RBMS3: variants seen among roughly 807,000 people sequenced by gnomAD.
RBMS3 encodes RNA-binding motif, single-stranded-interacting protein 3.
A neutral mutation model predicts 66.8 loss-of-function variants in RBMS3; 27 were observed. The observed-to-expected ratio is 0.40, with a 90% confidence interval of 0.30 to 0.56. The LOEUF (loss-of-function observed/expected upper bound fraction) is 0.56. Among genes scored for constraint, RBMS3 ranks in the 20% least tolerant of loss-of-function variants. RBMS3 has a pLI of 0.40. For missense variants in RBMS3, 513 were observed against 549.5 expected (o/e 0.93, Z 0.66); for synonymous variants, 188 against 183.0 (o/e 1.03, Z -0.22).
chr3:29,465,543 T>A (rs796146935), intron 2 of RBMS3, among the ~76,000 whole-genome samples: 4 of 49,650 alleles, frequency 8.1e-5, no homozygotes, highest in African/African-American at 3.0e-4. Flanking sequence ...TGTGCCCTTA[T>A]TTTTTTTTTT....
At chr3:29,789,524 A>C (rs2056932505) in intron 6 of RBMS3, among the ~76,000 whole-genome samples, 1 of 152,100 alleles carries the variant, frequency 6.6e-6, no homozygotes, top group Non-Finnish European at 1.5e-5. Context: ...TCTTCCATTA[A>C]ATCACCATGT....
At chr3:29,625,313 G>A (rs764529328) in intron 4 of RBMS3, among the ~76,000 whole-genome samples, 24 of 152,056 alleles carry the variant, frequency 1.6e-4, no homozygotes, top group African/African-American at 5.8e-4. Context: ...TTATATTTCT[G>A]TGGCATTTTT....
At chr3:29,889,193 C>T (rs1251306757) in intron 8 of RBMS3, among the ~76,000 whole-genome samples, 1 of 151,548 alleles carries the variant, frequency 6.6e-6, no homozygotes, top group Non-Finnish European at 1.5e-5. Flanking sequence ...TCTTGTTGAA[C>T]GTGGAATTCT....
intron 4 of RBMS3, among the ~76,000 whole-genome samples, chr3:29,613,468 C>A (rs1327517130): frequency 3.3e-5 from 5 of 152,112 alleles, no homozygotes; most frequent in Non-Finnish European, 7.4e-5. Context: ...GCAATAATTA[C>A]ATTTCCTACT....
At chr3:29,554,449 CAT>C (rs1385651419) in intron 3 of RBMS3, among the ~76,000 whole-genome samples, 1 of 152,140 alleles carries the variant, frequency 6.6e-6, no homozygotes, top group Non-Finnish European at 1.5e-5. Flanking sequence ...ACATAACAAA[CAT>C]AAAACTTAAT....
chr3:29,575,253 C>A (rs1383758009), intron 3 of RBMS3, among the ~76,000 whole-genome samples: 1 of 150,950 alleles, frequency 6.6e-6, no homozygotes, highest in Non-Finnish European at 1.5e-5. Context: ...TGAAGGATAT[C>A]TTTGTCGGAT....
At chr3:29,922,951 G>T (rs1468627402) in intron 10 of RBMS3, among the ~76,000 whole-genome samples, 1 of 152,186 alleles carries the variant, frequency 6.6e-6, no homozygotes, top group Non-Finnish European at 1.5e-5. Context: ...AATGATTGAT[G>T]CATACTCAAA....
In RBMS3 at chr3:29,710,993, A is replaced by ACAGTAGCT. The variant is rs59544322; in HGVS notation, c.400-28725_400-28718dup. On this transcript the variant is annotated intron_variant, in intron 4 of 14. Coordinates refer to ENST00000383767, the MANE Select transcript of RBMS3 (RefSeq NM_001003793.3). ...CTGTTCCACGCATTAAATATACAAT[A>ACAGTAGCT]CAGTAGCTCCCCCCTTATTTGCACA... Among the ~76,000 whole-genome samples the ACAGTAGCT allele has an allele frequency of 5.9e-3, 892 of 152,290 alleles. 11 individuals are homozygous for ACAGTAGCT. Among genetic ancestry groups the ACAGTAGCT allele is most frequent in the African/African-American group, 0.021 (860 of 41,562 alleles).
chr3:29,659,434 C>G (rs2050449916), intron 4 of RBMS3, among the ~76,000 whole-genome samples: 1 of 152,130 alleles, frequency 6.6e-6, no homozygotes, highest in Non-Finnish European at 1.5e-5. Flanking sequence ...TTTTCTGTCT[C>G]TGTGATTTTG....
At chr3:29,433,357 T>C (rs967960121) in intron 1 of RBMS3, among the ~76,000 whole-genome samples, 1 of 152,200 alleles carries the variant, frequency 6.6e-6, no homozygotes, top group Non-Finnish European at 1.5e-5. Flanking sequence ...CACTGGAATC[T>C]TGATGAATGT....
At chr3:29,781,879 C>A (rs2056643152) in intron 6 of RBMS3, among the ~76,000 whole-genome samples, 1 of 152,070 alleles carries the variant, frequency 6.6e-6, no homozygotes, top group Non-Finnish European at 1.5e-5. Flanking sequence ...CCCCACTTCC[C>A]TGGTGACCTG....
chr3:29,456,813 G>A (rs1351920574), intron 2 of RBMS3, among the ~76,000 whole-genome samples: 1 of 152,116 alleles, frequency 6.6e-6, no homozygotes, highest in Admixed American at 6.6e-5. Flanking sequence ...ATACATGGTA[G>A]GGCATAAGTC....
In RBMS3 at chr3:29,622,367, A is replaced by G. The variant is rs2048896153; in HGVS notation, c.399+35162A>G. 2.0e-5 allele frequency among the ~76,000 whole-genome samples: 3 copies of G among 152,248 alleles called. No individual in the cohort carries two copies. The South Asian group carries it at 6.2e-4, about 31-fold the overall frequency. ...TGGAAGATCTATGTGTATTACCAGA[A>G]TACAGATTGGAGGACAAGCTCTGTT... On this transcript the variant is annotated intron_variant, in intron 4 of 14. Transcript: ENST00000383767.
At chr3:29,950,546 A>C (rs1003797579) in intron 12 of RBMS3, among the ~76,000 whole-genome samples, 8 of 151,884 alleles carry the variant, frequency 5.3e-5, no homozygotes, top group African/African-American at 1.9e-4. Context: ...GGAATTGACT[A>C]TGTATGATTC....
At chr3:29,333,033 A>T (rs1230675711) in intron 1 of RBMS3, among the ~76,000 whole-genome samples, 2 of 152,136 alleles carry the variant, frequency 1.3e-5, no homozygotes, top group African/African-American at 4.8e-5. Context: ...AATATTGAAA[A>T]ATTTTAGAAA....
intron 5 of RBMS3, among the ~76,000 whole-genome samples, chr3:29,759,025 A>G (rs1323706137): frequency 6.6e-6 from 1 of 152,168 alleles, no homozygotes; most frequent in Non-Finnish European, 1.5e-5. Flanking sequence ...TAAGACCATA[A>G]ACTGTGTGAT....
At chr3:29,735,965 C>T (rs1176309715) in intron 4 of RBMS3, among the ~76,000 whole-genome samples, 1 of 152,008 alleles carries the variant, frequency 6.6e-6, no homozygotes, top group East Asian at 1.9e-4. Context: ...ATAAAAAGAT[C>T]TTTTTGATTG....
intron 3 of RBMS3, among the ~76,000 whole-genome samples, chr3:29,534,307 G>A (rs536150517): frequency 1.9e-4 from 29 of 152,278 alleles, no homozygotes; most frequent in Non-Finnish European, 2.6e-4. Flanking sequence ...GAGTTTCTGC[G>A]GAAGGAAAGA....
chr3:29,652,706 A>G (rs1576444400), intron 4 of RBMS3, among the ~76,000 whole-genome samples: 1 of 152,126 alleles, frequency 6.6e-6, no homozygotes. Context: ...TTGTTTCTTA[A>G]ATGTCTTTAA....
Sources: allele counts gnomAD v4.1 joint callset (sites outside exome capture counted in the v4.1 genomes callset), GRCh38; gene constraint gnomAD v4.1.1; transcripts MANE v1.5; gene names NCBI Gene and HGNC (gene_info 2026-07-23, HGNC 2026-07-21).